KCNMB4: variants seen among roughly 807,000 people sequenced by gnomAD.
KCNMB4 encodes potassium calcium-activated channel subfamily M regulatory beta subunit 4.
A neutral mutation model predicts 20.7 loss-of-function variants in KCNMB4; 3 were observed. That is an observed-to-expected ratio of 0.14 (90% CI 0.07 to 0.37). KCNMB4 has a LOEUF of 0.37. KCNMB4 is among the 10% of genes least tolerant of loss of function. The probability of loss-of-function intolerance (pLI) is 1.00; values close to 1 mark genes in which losing one functional copy is unlikely to be tolerated. For missense variants in KCNMB4, 168 were observed against 265.9 expected, an observed-to-expected ratio of 0.63 and a Z score of 2.56; for synonymous variants, 110 against 113.4, an observed-to-expected ratio of 0.97 and a Z score of 0.19.
intron 2 of KCNMB4, 77 bp downstream of exon 2, chr12:70,400,413 A>G: frequency 8.5e-6 from 12 of 1,416,686 alleles, no homozygotes; most frequent in Non-Finnish European, 1.1e-5. Context: ...ATCGTAGATT[A>G]TGCCCACTTG....
rs769733147 is a variant in KCNMB4 at position 70,433,903 on chromosome 12, T to A, written c.*3250T>A. 2.0e-5 allele frequency: 3 copies of A among 152,270 alleles called. No individual in the cohort carries two copies. Among genetic ancestry groups the A allele is most frequent in the Admixed American group, 6.5e-5 (1 of 15,280 alleles). 9.4% of individuals were successfully genotyped at this position (152,270 alleles called of 1,614,324 possible). ...CATCGCAGCTTTTGCAGCCCCTGCT[T>A]GCTGGTGCAGACTTTTAGACCTAGA... On this transcript the variant is annotated 3_prime_UTR_variant, in exon 3 of 3. Coordinates refer to ENST00000258111, the MANE Select transcript of KCNMB4 (RefSeq NM_014505.6).
At chr12:70,393,441 C>T (rs787939) in intron 1 of KCNMB4, among the ~76,000 whole-genome samples, 84,457 of 151,762 alleles carry the variant, frequency 0.56, 24,951 homozygotes, top group African/African-American at 0.76. Context: ...GACCTTGTGA[C>T]CCACCCGCCT....
At chr12:70,418,656 A>G (rs547451601) in intron 2 of KCNMB4, among the ~76,000 whole-genome samples, 2 of 152,306 alleles carry the variant, frequency 1.3e-5, no homozygotes, top group African/African-American at 4.8e-5. Flanking sequence ...ATTTTATATC[A>G]AAAATCATGA....
intron 2 of KCNMB4, among the ~76,000 whole-genome samples, chr12:70,405,649 G>T (rs1338625261): frequency 6.6e-6 from 1 of 152,156 alleles, no homozygotes; most frequent in East Asian, 1.9e-4. Flanking sequence ...TTCTCCAAAA[G>T]ACTTGAAATC....
chr12:70,406,468 C>T (rs1279723768), intron 2 of KCNMB4, among the ~76,000 whole-genome samples: 1 of 152,076 alleles, frequency 6.6e-6, no homozygotes, highest in Non-Finnish European at 1.5e-5. Flanking sequence ...AAAAATGGAA[C>T]GTGCCCTGAA....
chr12:70,370,599 C>T lies in KCNMB4; in HGVS notation c.336+3529C>T, dbSNP rs565972779. 4.8e-4 allele frequency among the ~76,000 whole-genome samples: 73 copies of T among 152,098 alleles called. 1 individual carries two copies. Among genetic ancestry groups the T allele is most frequent in the African/African-American group, 1.3e-3 (56 of 41,494 alleles). ...CTGGGATTACAGGCATGAGCCACCG[C>T]GCCCGGCCAGTGCTACTGAATTTAG... On this transcript the variant is annotated intron_variant, in intron 1 of 2. Transcript: ENST00000258111.
chr12:70,387,807 C>T (rs1437044373), intron 1 of KCNMB4, among the ~76,000 whole-genome samples: 1 of 152,144 alleles, frequency 6.6e-6, no homozygotes, highest in African/African-American at 2.4e-5. Context: ...AGCATTTATC[C>T]TTTGAGTTAC....
chr12:70,406,357 G>A (rs568291362), intron 2 of KCNMB4, among the ~76,000 whole-genome samples: 26 of 152,298 alleles, frequency 1.7e-4, no homozygotes, highest in African/African-American at 6.0e-4. Context: ...AAAAGGCTTG[G>A]GGAGGAGGTG....
chr12:70,366,710 C>G lies in KCNMB4; in HGVS notation c.-25C>G. On this transcript the variant is annotated 5_prime_UTR_variant, in exon 1 of 3. Transcript: ENST00000258111. ...GGGGCGGGAGGGGGCGGGGGGAGCA[C>G]GCCAGCCGCCGAGAGTGGGGGGCGA... 1 of 1,518,036 alleles carries G rather than the reference C, an allele frequency of 6.6e-7. No individual in the cohort carries two copies. Among genetic ancestry groups the G allele is most frequent in the Non-Finnish European group, 8.8e-7 (1 of 1,134,496 alleles). 94.0% of individuals were successfully genotyped at this position (1,518,036 alleles called of 1,614,324 possible).
chr12:70,382,574 G>A (rs1883809760), intron 1 of KCNMB4, among the ~76,000 whole-genome samples: 3 of 151,908 alleles, frequency 2.0e-5, no homozygotes, highest in South Asian at 2.1e-4. Flanking sequence ...ATGTAGCAAG[G>A]ACAGAAATCA....
chr12:70,429,597 G>T (rs562881576), intron 2 of KCNMB4, among the ~76,000 whole-genome samples: 1 of 151,026 alleles, frequency 6.6e-6, no homozygotes, highest in Non-Finnish European at 1.5e-5. Context: ...AACCCAGGAG[G>T]CGGAGCTTGC....
At chr12:70,368,769 G>A (rs1883539446) in intron 1 of KCNMB4, among the ~76,000 whole-genome samples, 1 of 151,998 alleles carries the variant, frequency 6.6e-6, no homozygotes, top group Non-Finnish European at 1.5e-5. Context: ...ACATATATAT[G>A]CACACACACA....
chr12:70,429,039 A>G (rs951324342), intron 2 of KCNMB4, among the ~76,000 whole-genome samples: 5 of 152,266 alleles, frequency 3.3e-5, no homozygotes, highest in Non-Finnish European at 7.3e-5. Flanking sequence ...TTGTAATTTC[A>G]AAGCCAGTCT....
chr12:70,409,849 C>T (rs970466802), intron 2 of KCNMB4, among the ~76,000 whole-genome samples: 10 of 152,294 alleles, frequency 6.6e-5, no homozygotes, highest in East Asian at 1.9e-4. Flanking sequence ...GCCAGTGTGT[C>T]AGGAGAACTG....
chr12:70,421,046 C>T (rs1340882498), intron 2 of KCNMB4, among the ~76,000 whole-genome samples: 47 of 110,286 alleles, frequency 4.3e-4, no homozygotes, highest in East Asian at 5.7e-4. Flanking sequence ...AGCGAGACTC[C>T]GTCTCAAAAA....
chr12:70,389,168 T>A (rs1176550419), intron 1 of KCNMB4, among the ~76,000 whole-genome samples: 1 of 152,130 alleles, frequency 6.6e-6, no homozygotes, highest in Non-Finnish European at 1.5e-5. Context: ...TAATATTGAG[T>A]GCTCAACTTA....
chr12:70,383,344 CT>C (rs1883828148), intron 1 of KCNMB4, among the ~76,000 whole-genome samples: 1 of 152,204 alleles, frequency 6.6e-6, no homozygotes, highest in Admixed American at 6.5e-5. Flanking sequence ...GATACCTTTT[CT>C]GCCTATCAAG....
intron 2 of KCNMB4, among the ~76,000 whole-genome samples, chr12:70,419,922 A>G (rs1199215143): frequency 6.6e-6 from 1 of 152,296 alleles, no homozygotes; most frequent in East Asian, 1.9e-4. Context: ...TAGGAAAAGG[A>G]TGAAGGAAAG....
intron 1 of KCNMB4, among the ~76,000 whole-genome samples, chr12:70,383,142 C>T (rs1441079427): frequency 6.6e-6 from 1 of 152,204 alleles, no homozygotes; most frequent in African/African-American, 2.4e-5. Context: ...TTATTCAGCA[C>T]AGGACTGTAC....
Sources: allele counts gnomAD v4.1 joint callset (sites outside exome capture counted in the v4.1 genomes callset), GRCh38; gene constraint gnomAD v4.1.1; transcripts MANE v1.5; gene names NCBI Gene and HGNC (gene_info 2026-07-23, HGNC 2026-07-21).